Variants in APBB1IP observed in about 807,000 individuals in gnomAD.
The protein encoded by APBB1IP is amyloid beta A4 precursor protein-binding family B member 1-interacting protein.
APBB1IP carries 27 observed loss-of-function variants against 64.9 expected under a neutral mutation model. The observed-to-expected ratio is 0.42, with a 90% CI of 0.31 to 0.57. The LOEUF (loss-of-function observed/expected upper bound fraction) is 0.57, where lower values mean the gene tolerates loss of function less well. APBB1IP is among the 20% of genes least tolerant of loss of function. The pLI is 0.20. For missense variants in APBB1IP, 812 were observed against 845.5 expected (o/e 0.96, Z 0.49); for synonymous variants, 392 against 331.0 (o/e 1.18, Z -2.00).
chr10:26,566,056 G>A (rs1016148929), intron 14 of APBB1IP, among the ~76,000 whole-genome samples: 1 of 152,198 alleles, frequency 6.6e-6, no homozygotes, highest in South Asian at 2.1e-4. Context: ...AATGGGTAAA[G>A]GCCACTTTAA....
At chr10:26,455,945 A>G (rs897137813) in intron 2 of APBB1IP, among the ~76,000 whole-genome samples, 2 of 152,362 alleles carry the variant, frequency 1.3e-5, no homozygotes, top group Middle Eastern at 3.4e-3. Flanking sequence ...GTCAGCACAT[A>G]TTACATTTTG....
At chr10:26,556,042 C>T (rs1372343450) in intron 11 of APBB1IP, among the ~76,000 whole-genome samples, 6 of 152,212 alleles carry the variant, frequency 3.9e-5, no homozygotes, top group Non-Finnish European at 7.3e-5. Flanking sequence ...TTTCTCATTT[C>T]GTAAGCTCAG....
rs148236406 is a variant in APBB1IP, at chr10:26,503,848, A to C, written c.531+574A>C. On this transcript the variant is annotated intron_variant, in intron 6 of 14. Transcript: ENST00000376236. ...TGTACATGATTTTTTTTGCTGGCTT[A>C]TACATGAATTTTCCTGGGAGCTGGA... Among the ~76,000 whole-genome samples the C allele has an allele frequency of 7.4e-4, 113 of 152,236 alleles. 1 individual carries two copies. The highest frequency in any genetic ancestry group is 2.6e-3 in the African/African-American group (109 of 41,554).
intron 2 of APBB1IP, among the ~76,000 whole-genome samples, chr10:26,472,118 G>C (rs1342218320): frequency 6.6e-6 from 1 of 152,144 alleles, no homozygotes; most frequent in East Asian, 1.9e-4. Flanking sequence ...AAGAAAAACA[G>C]AAAATCCCTC....
chr10:26,474,071 T>A (rs560460095), intron 2 of APBB1IP, among the ~76,000 whole-genome samples: 19 of 145,764 alleles, frequency 1.3e-4, no homozygotes, highest in Admixed American at 1.1e-3. Context: ...CTCCTTTTGG[T>A]TTCAGTGATT....
chr10:26,500,882 T>A lies in APBB1IP; in HGVS notation c.224T>A (p.Ile75Lys). 8 of 1,614,174 alleles carry A rather than the reference T, an allele frequency of 5.0e-6. No individual in the cohort carries two copies. Among genetic ancestry groups the A allele is most frequent in the Non-Finnish European group, 5.9e-6 (7 of 1,180,022 alleles). Residue 75 changes from isoleucine to lysine, a missense_variant, in exon 5 of 15, where the codon ATA becomes AAA. Coordinates refer to ENST00000376236, the MANE Select transcript of APBB1IP (RefSeq NM_019043.4). ...DALMADLVADISEAEQRTIQA... is the reference protein window; with the variant it reads ...DALMADLVADKSEAEQRTIQA... Reference sequence around the variant, plus strand: ...CTCATGGCAGATCTGGTAGCAGACATAAGTGAGGCTGAGCAGAGGACAATC... The same window carrying A: ...CTCATGGCAGATCTGGTAGCAGACAAAAGTGAGGCTGAGCAGAGGACAATC...
At chr10:26,459,942 G>T (rs1467529782) in intron 2 of APBB1IP, among the ~76,000 whole-genome samples, 1 of 151,772 alleles carries the variant, frequency 6.6e-6, no homozygotes, top group Non-Finnish European at 1.5e-5. Context: ...CATTGCTAAG[G>T]TCATAATTTT....
intron 2 of APBB1IP, among the ~76,000 whole-genome samples, chr10:26,492,119 C>T (rs1367466180): frequency 6.6e-6 from 1 of 151,046 alleles, no homozygotes. Flanking sequence ...GAGGCATTTC[C>T]CAACGTTTGG....
intron 6 of APBB1IP, among the ~76,000 whole-genome samples, chr10:26,511,167 G>A (rs975754374): frequency 6.6e-5 from 10 of 151,874 alleles, no homozygotes; most frequent in Non-Finnish European, 1.0e-4. Context: ...ATGGTGAAAC[G>A]CCATCTCCAC....
chr10:26,441,909 G>C (rs1052598690), intron 2 of APBB1IP, among the ~76,000 whole-genome samples: 1 of 152,148 alleles, frequency 6.6e-6, no homozygotes, highest in Non-Finnish European at 1.5e-5. Flanking sequence ...ACCAGGCCCT[G>C]TACTAATTTA....
intron 2 of APBB1IP, among the ~76,000 whole-genome samples, chr10:26,475,943 C>T (rs1835770184): frequency 6.6e-6 from 1 of 152,152 alleles, no homozygotes; most frequent in Non-Finnish European, 1.5e-5. Context: ...AGTTTCAAAG[C>T]TTACACCAGT....
intron 8 of APBB1IP, among the ~76,000 whole-genome samples, chr10:26,515,991 G>C (rs575633959): frequency 1.5e-4 from 23 of 152,284 alleles, no homozygotes; most frequent in African/African-American, 5.5e-4. Flanking sequence ...GTCTAAAGAA[G>C]TGGCCGAGGC....
intron 2 of APBB1IP, among the ~76,000 whole-genome samples, chr10:26,452,516 G>A (rs1325597489): frequency 6.6e-6 from 1 of 152,160 alleles, no homozygotes; most frequent in African/African-American, 2.4e-5. Flanking sequence ...AGAAGACAAT[G>A]TAGTTATCTA....
At chr10:26,485,914 A>T (rs954060656) in intron 2 of APBB1IP, among the ~76,000 whole-genome samples, 1 of 152,106 alleles carries the variant, frequency 6.6e-6, no homozygotes, top group Admixed American at 6.6e-5. Context: ...AAAGAGTTCT[A>T]AAAAGCCTGT....
chr10:26,477,367 G>A (rs762741930), intron 2 of APBB1IP, among the ~76,000 whole-genome samples: 2 of 152,104 alleles, frequency 1.3e-5, no homozygotes, highest in Non-Finnish European at 2.9e-5. Context: ...TTTTCATATA[G>A]TTTTACTTCT....
At chr10:26,504,966 G>T (rs2132440535) in intron 6 of APBB1IP, among the ~76,000 whole-genome samples, 1 of 152,074 alleles carries the variant, frequency 6.6e-6, no homozygotes, top group Non-Finnish European at 1.5e-5. Context: ...ATGTTGCCTA[G>T]GCTTTTCTCG....
Position 26,567,070 on chromosome 10 carries a change from C to A in APBB1IP, c.1583C>A (p.Thr528Asn), listed in dbSNP as rs2132489160. The A allele has an allele frequency of 6.7e-7, 1 of 1,490,760 alleles. No homozygotes were observed. Among genetic ancestry groups the A allele is most frequent in the Admixed American group, 2.5e-5 (1 of 40,052 alleles). The allele number at this position is 1,490,760 out of a possible 1,614,324, so 92.3% of individuals were successfully genotyped here. ...PPPPVRRSSDTSGSPATPLKA... is the reference protein window; with the variant it reads ...PPPPVRRSSDNSGSPATPLKA... ...CCTCCGGTGCGGAGGTCCTCCGACACCAGCGGCAGTCCCGCCACGCCCCTC... is the reference window on the plus strand; with the variant it reads ...CCTCCGGTGCGGAGGTCCTCCGACAACAGCGGCAGTCCCGCCACGCCCCTC... Residue 528 changes from threonine to asparagine, a missense_variant, in exon 15 of 15, where the codon ACC (threonine) becomes AAC (asparagine). This residue lies in a region of APBB1IP where 381 missense variants were observed against 352.1 expected (regional missense o/e 1.08). Transcript: ENST00000376236.
intron 2 of APBB1IP, among the ~76,000 whole-genome samples, chr10:26,474,958 C>T (rs1835758585): frequency 6.6e-6 from 1 of 152,216 alleles, no homozygotes. Context: ...GAGGCGGAAA[C>T]GCCATCATGT....
chr10:26,528,711 T>C (rs1042113215), intron 8 of APBB1IP, among the ~76,000 whole-genome samples: 2 of 152,044 alleles, frequency 1.3e-5, no homozygotes, highest in Admixed American at 6.6e-5. Context: ...CCGAGGCAGG[T>C]GAATCCCTTG....
Sources: allele counts gnomAD v4.1 joint callset (sites outside exome capture counted in the v4.1 genomes callset), GRCh38; gene constraint gnomAD v4.1.1; regional missense constraint gnomAD v4.1.1; transcripts MANE v1.5; gene names NCBI Gene and HGNC (gene_info 2026-07-23, HGNC 2026-07-21).